RUNX2: variants seen among roughly 807,000 people sequenced by gnomAD.
RUNX2 encodes runt-related transcription factor 2.
Under a neutral mutation model 51.7 loss-of-function variants are expected in RUNX2, and 10 were observed. The ratio of observed to expected loss-of-function variants is 0.19; its 90% CI spans 0.12 to 0.33. RUNX2 has a LOEUF of 0.33. Among genes scored for constraint, RUNX2 ranks in the 10% least tolerant of loss-of-function variants. The pLI is 1.00. For synonymous variants in RUNX2, 276 were observed against 273.6 expected (o/e 1.01, Z -0.09); for missense variants, 562 against 691.3 (o/e 0.81, Z 2.10).
intron 5 of RUNX2, among the ~76,000 whole-genome samples, chr6:45,438,995 C>G (rs1296874153): frequency 6.6e-6 from 1 of 152,136 alleles, no homozygotes; most frequent in Non-Finnish European, 1.5e-5. Context: ...AGTACTTGTT[C>G]TATAACAATC....
chr6:45,503,847 T>C (rs1168519183), intron 6 of RUNX2, among the ~76,000 whole-genome samples: 1 of 152,240 alleles, frequency 6.6e-6, no homozygotes, highest in Non-Finnish European at 1.5e-5. Flanking sequence ...TTCTGGTTTT[T>C]CTTTTAACAT....
At chr6:45,425,592 T>C (rs776280376) in intron 3 of RUNX2, among the ~76,000 whole-genome samples, 3 of 152,158 alleles carry the variant, frequency 2.0e-5, no homozygotes, top group Non-Finnish European at 4.4e-5. Context: ...AAGTGGGTGA[T>C]AGCTAAGATC....
Position 45,504,892 on chromosome 6 carries a change from A to G in RUNX2, c.860-7354A>G, listed in dbSNP as rs576457799. Among the ~76,000 whole-genome samples the G allele has an allele frequency of 1.4e-4, 22 of 152,164 alleles. No individual in the cohort carries two copies. The South Asian group carries it at 4.4e-3, about 30-fold the overall frequency. On this transcript the variant is annotated intron_variant, in intron 6 of 8. Transcript: ENST00000647337. ...CCTGATTTGAGTACTGTTTAGGGGG[A>G]AAATGGGTGGAGAATAAGGGGTGGG...
chr6:45,470,030 C>T (rs891936169), intron 5 of RUNX2, among the ~76,000 whole-genome samples: 4 of 152,194 alleles, frequency 2.6e-5, no homozygotes, highest in East Asian at 1.9e-4. Context: ...CACACACTAT[C>T]GCCACTGGAA....
chr6:45,442,076 T>C (rs1263035819), intron 5 of RUNX2, among the ~76,000 whole-genome samples: 1 of 152,256 alleles, frequency 6.6e-6, no homozygotes, highest in African/African-American at 2.4e-5. Flanking sequence ...GCATCATTGA[T>C]GTTTTTTAAC....
intron 5 of RUNX2, among the ~76,000 whole-genome samples, chr6:45,461,659 C>T (rs1220822840): frequency 6.6e-6 from 1 of 152,026 alleles, no homozygotes; most frequent in Non-Finnish European, 1.5e-5. Context: ...TCTGGGCACT[C>T]TTCTAAGCTC....
At chr6:45,393,532 A>G (rs1797517463) in intron 2 of RUNX2, among the ~76,000 whole-genome samples, 1 of 151,600 alleles carries the variant, frequency 6.6e-6, no homozygotes, top group Non-Finnish European at 1.5e-5. Context: ...CAGGTTCAAG[A>G]GATTCTCCTG....
chr6:45,432,687 T>A (rs941163305), intron 4 of RUNX2, among the ~76,000 whole-genome samples: 1 of 152,192 alleles, frequency 6.6e-6, no homozygotes, highest in African/African-American at 2.4e-5. Context: ...GATCCTTAAA[T>A]AGAAAATTAT....
At chr6:45,390,431 A>G (rs764167453) in intron 2 of RUNX2, among the ~76,000 whole-genome samples, 1 of 152,314 alleles carries the variant, frequency 6.6e-6, no homozygotes, top group South Asian at 2.1e-4. Context: ...CAGATAAATT[A>G]TCATGTGCTT....
At chr6:45,543,064 G>T (rs569051853) in intron 7 of RUNX2, among the ~76,000 whole-genome samples, 11 of 152,246 alleles carry the variant, frequency 7.2e-5, no homozygotes, top group Admixed American at 6.5e-4. Flanking sequence ...AAATTTTGTT[G>T]AAGTCATTTT....
intron 2 of RUNX2, among the ~76,000 whole-genome samples, chr6:45,414,225 T>G (rs762338193): frequency 1.3e-5 from 2 of 152,094 alleles, no homozygotes; most frequent in Non-Finnish European, 2.9e-5. Context: ...AGAAGCAACA[T>G]GAATATTCTC....
chr6:45,469,055 T>G (rs1328922612), intron 5 of RUNX2, among the ~76,000 whole-genome samples: 1 of 152,258 alleles, frequency 6.6e-6, no homozygotes, highest in Non-Finnish European at 1.5e-5. Flanking sequence ...TTAGCTTGAA[T>G]GGCATACACC....
chr6:45,440,771 GA>G (rs1469653660), intron 5 of RUNX2, among the ~76,000 whole-genome samples: 2 of 152,006 alleles, frequency 1.3e-5, no homozygotes, highest in Non-Finnish European at 2.9e-5. Context: ...ACAGTTTGAA[GA>G]TAATTTTATA....
intron 2 of RUNX2, among the ~76,000 whole-genome samples, chr6:45,388,041 G>C (rs761703271): frequency 6.6e-6 from 1 of 152,164 alleles, no homozygotes; most frequent in African/African-American, 2.4e-5. Flanking sequence ...CAAAAGACTT[G>C]AGGTTATTTA....
Position 45,422,684 on chromosome 6 carries a change from GCAGCAGCAACAGCAGCAGCAGCAA to G in RUNX2, c.159_182del (p.Gln64_Gln71del). 1.2e-6 allele frequency: 2 copies of G among 1,603,252 alleles called. No individual in the cohort carries two copies. The highest frequency in any genetic ancestry group is 1.7e-6 in the Non-Finnish European group (2 of 1,175,884). On this transcript the variant is annotated inframe_deletion, in exon 3 of 9. Coordinates refer to ENST00000647337, the MANE Select transcript of RUNX2 (RefSeq NM_001024630.4). ...TGAGCCCGGTGGTGGCTGCGCAACA[GCAGCAGCAACAGCAGCAGCAGCAA>G]CAGCAGCAGCAGCAGCAGCAACAGC...
At chr6:45,452,761 G>C (rs1582127546) in intron 5 of RUNX2, among the ~76,000 whole-genome samples, 1 of 152,124 alleles carries the variant, frequency 6.6e-6, no homozygotes, top group Non-Finnish European at 1.5e-5. Flanking sequence ...ATAATCAAGA[G>C]ACCAAAGAAA....
At chr6:45,521,318 C>T (rs1291059899) in intron 7 of RUNX2, among the ~76,000 whole-genome samples, 1 of 152,146 alleles carries the variant, frequency 6.6e-6, no homozygotes, top group African/African-American at 2.4e-5. Flanking sequence ...GGAAATAGCA[C>T]AGTAAGAGTG....
At chr6:45,414,770 T>A (rs1214032381) in intron 2 of RUNX2, among the ~76,000 whole-genome samples, 3 of 142,672 alleles carry the variant, frequency 2.1e-5, no homozygotes, top group Non-Finnish European at 4.6e-5. Flanking sequence ...TTTTTTTTTT[T>A]TTTTTTTTTT....
intron 7 of RUNX2, among the ~76,000 whole-genome samples, chr6:45,541,555 T>G (rs561605137): frequency 6.6e-6 from 1 of 152,304 alleles, no homozygotes; most frequent in East Asian, 1.9e-4. Context: ...AAGCAATAAC[T>G]CCTACCATTT....
Sources: allele counts gnomAD v4.1 joint callset (sites outside exome capture counted in the v4.1 genomes callset), GRCh38; gene constraint gnomAD v4.1.1; transcripts MANE v1.5; gene names NCBI Gene and HGNC (gene_info 2026-07-23, HGNC 2026-07-21).